SAG: variants seen among roughly 807,000 people sequenced by gnomAD.
SAG encodes S-antigen visual arrestin, also known as S-arrestin.
In SAG, 45 loss-of-function variants were observed where a neutral mutation model predicts 55.0. The ratio of observed to expected loss-of-function variants is 0.82; its 90% CI spans 0.64 to 1.05. The LOEUF is 1.05. Ranked by LOEUF, SAG falls within the 50% of genes least tolerant of loss-of-function variation. SAG has a pLI of 0.00. For missense variants in SAG, 455 were observed against 512.1 expected, an observed-to-expected ratio of 0.89 and a Z score of 1.08; for synonymous variants, 189 against 197.4, an observed-to-expected ratio of 0.96 and a Z score of 0.36.
intron 6 of SAG, among the ~76,000 whole-genome samples, chr2:233,325,589 G>A (rs994014169): frequency 6.6e-6 from 1 of 152,056 alleles, no homozygotes; most frequent in Admixed American, 6.6e-5. Flanking sequence ...AGAAGAAGGG[G>A]GCACAGAACA....
chr2:233,334,702 T>C (rs1264778647), intron 10 of SAG: 7 of 444,912 alleles, frequency 1.6e-5, no homozygotes, highest in Admixed American at 3.5e-5. Flanking sequence ...ATTAACTCCA[T>C]AGAACATTCT....
At chr2:233,309,967 G>C in intron 2 of SAG, among the ~76,000 whole-genome samples, 1 of 152,240 alleles carries the variant, frequency 6.6e-6, no homozygotes, top group East Asian at 1.9e-4. Context: ...GTAAAACCCA[G>C]ACAGTGATCA....
intron 6 of SAG, among the ~76,000 whole-genome samples, chr2:233,323,720 A>C (rs1700459612): frequency 6.6e-6 from 1 of 152,204 alleles, no homozygotes; most frequent in South Asian, 2.1e-4. Flanking sequence ...ACCCAAAAGT[A>C]GAGAGACCAG....
intron 2 of SAG, among the ~76,000 whole-genome samples, chr2:233,312,940 A>G (rs1353031431): frequency 2.6e-5 from 4 of 152,232 alleles, no homozygotes; most frequent in African/African-American, 4.8e-5. Flanking sequence ...ACCAAAGAGC[A>G]GGGACCTTGG....
intron 4 of SAG, 148 bp from the exon 5 acceptor site, chr2:233,320,482 T>G: frequency 1.7e-6 from 1 of 580,638 alleles, no homozygotes; most frequent in East Asian, 3.2e-5. Flanking sequence ...TGGTGTGGAG[T>G]AGCTGGGTGG....
chr2:233,324,845 G>A (rs10168355), intron 6 of SAG, among the ~76,000 whole-genome samples: 90,071 of 152,018 alleles, frequency 0.59, 27,118 homozygotes, highest in African/African-American at 0.65. Flanking sequence ...TGTTTTTGTC[G>A]CAGGGCATCT....
intron 15 of SAG, among the ~76,000 whole-genome samples, 161 bp downstream of exon 15, chr2:233,346,573 C>G (rs750438072): frequency 3.3e-5 from 5 of 152,222 alleles, no homozygotes; most frequent in Non-Finnish European, 4.4e-5. Context: ...GCTTACGGCA[C>G]GCACGCACCA....
chr2:233,314,571 G>A (rs1410460138), intron 2 of SAG, among the ~76,000 whole-genome samples: 1 of 152,214 alleles, frequency 6.6e-6, no homozygotes, highest in Non-Finnish European at 1.5e-5. Context: ...ACTCGCTGCA[G>A]CAACCAGCAG....
At chr2:233,313,561 A>G (rs1017716267) in intron 2 of SAG, among the ~76,000 whole-genome samples, 38 of 151,348 alleles carry the variant, frequency 2.5e-4, no homozygotes, top group African/African-American at 5.6e-4. Context: ...ACCAGTGAAG[A>G]TCTCTTTACC....
chr2:233,324,541 G>A (rs987102790), intron 6 of SAG, among the ~76,000 whole-genome samples: 3 of 152,250 alleles, frequency 2.0e-5, no homozygotes, highest in African/African-American at 7.2e-5. Flanking sequence ...GGCTGTGAAT[G>A]ACAGGCGCTG....
chr2:233,317,120 C>T (rs1165709707), intron 3 of SAG, among the ~76,000 whole-genome samples: 1 of 152,294 alleles, frequency 6.6e-6, no homozygotes, highest in South Asian at 2.1e-4. Flanking sequence ...CCTTAGCCTC[C>T]CAAAGTGCTG....
At chr2:233,325,355 A>T (rs1700518946) in intron 6 of SAG, among the ~76,000 whole-genome samples, 1 of 20,988 alleles carries the variant, frequency 4.8e-5, no homozygotes, top group Non-Finnish European at 1.1e-4. Flanking sequence ...GACTCCATCT[A>T]AAAAAAAAAA....
chr2:233,311,472 C>T (rs1163591062), intron 2 of SAG, among the ~76,000 whole-genome samples: 2 of 152,156 alleles, frequency 1.3e-5, no homozygotes, highest in Non-Finnish European at 2.9e-5. Flanking sequence ...ATTAGATGAT[C>T]GTAGTGAATC....
Position 233,319,183 on chromosome 2 carries a change from G to A in SAG, c.181+388G>A, listed in dbSNP as rs1017828671. ...ACAAGACCTTGAATGAATGAGGGGC[G>A]AGTGAGTGGGCAGTGTTTCTTCTGA... On this transcript the variant is annotated intron_variant, in intron 4 of 15. Transcript: ENST00000409110. This position sits in a 1 kb window ranked among gnomAD's most constrained non-coding sequence, Gnocchi z 4.4. Among the ~76,000 whole-genome samples, 1 of 152,116 alleles carries A rather than the reference G, an allele frequency of 6.6e-6. No homozygotes were observed. The highest frequency in any genetic ancestry group is 2.4e-5 in the African/African-American group (1 of 41,418).
intron 11 of SAG, chr2:233,338,465 A>G: frequency 1.7e-6 from 1 of 585,238 alleles, no homozygotes; most frequent in Middle Eastern, 4.6e-4. Context: ...CTTCTAGAGG[A>G]GAAGACACAG....
chr2:233,330,102 C>T (rs1464969417), intron 9 of SAG, among the ~76,000 whole-genome samples: 1 of 152,212 alleles, frequency 6.6e-6, no homozygotes, highest in African/African-American at 2.4e-5. Flanking sequence ...GAGGTGCCTT[C>T]TGCCTGTTGT....
chr2:233,338,629 C>T, intron 11 of SAG, 47 bp from the exon 12 acceptor site: 1 of 1,544,820 alleles, frequency 6.5e-7, no homozygotes, highest in Non-Finnish European at 8.9e-7. Flanking sequence ...CTGCTCTTCA[C>T]CCTCCTCTGC....
intron 13 of SAG, 90 bp from the exon 14 acceptor site, chr2:233,342,181 T>C (rs1701125143): frequency 2.0e-6 from 2 of 1,018,556 alleles, no homozygotes; most frequent in African/African-American, 3.2e-5. Context: ...CTGGGGATCT[T>C]TTGTGACTCT....
In SAG at chr2:233,322,927, T is replaced by C. The variant is rs750581516; in HGVS notation, c.376-19T>C. On this transcript the variant is annotated intron_variant, in intron 5 of 15. Transcript: ENST00000409110. ...GCCCCTTCTGAAATAAATGATTTTT[T>C]ATTTGTTTCTTTCCACAGTTTCCTG... The C allele has an allele frequency of 1.4e-6, 2 of 1,481,382 alleles. No homozygotes were observed. The highest frequency in any genetic ancestry group is 2.4e-5 in the East Asian group (1 of 41,640). 91.8% of individuals were successfully genotyped at this position (1,481,382 alleles called of 1,614,324 possible). A position where few individuals can be genotyped will look rare whatever the true frequency, so the allele number is the denominator to read the frequency against.
Sources: gnomAD v4.1 joint callset for allele counts (sites outside exome capture counted in the v4.1 genomes callset) on GRCh38, gnomAD v4.1.1 for gene constraint, Gnocchi (gnomAD v3.1) non-coding constraint, MANE v1.5 for transcripts, NCBI Gene and HGNC (gene_info 2026-07-23, HGNC 2026-07-21) for gene names.